Variants in MDFIC observed in about 807,000 individuals in gnomAD.
MDFIC encodes myoD family inhibitor domain-containing protein.
MDFIC carries 17 observed loss-of-function variants against 23.2 expected under a neutral mutation model. That is an observed-to-expected ratio of 0.73 (90% confidence interval 0.50 to 1.10). MDFIC has a LOEUF of 1.10. MDFIC is among the 50% of genes least tolerant of loss of function. MDFIC has a pLI of 0.00. For synonymous variants in MDFIC, 120 were observed against 115.2 expected (o/e 1.04, Z -0.27); for missense variants, 356 against 316.6 (o/e 1.12, Z -0.95).
intron 2 of MDFIC, among the ~76,000 whole-genome samples, chr7:114,941,592 C>CT (rs1409764759): frequency 1.3e-5 from 2 of 152,060 alleles, no homozygotes; most frequent in Non-Finnish European, 2.9e-5. Flanking sequence ...TCCTTTGAAC[C>CT]TTTTTAGTGC....
chr7:114,966,420 A>G (rs1793097389), intron 3 of MDFIC, among the ~76,000 whole-genome samples: 1 of 151,384 alleles, frequency 6.6e-6, no homozygotes. Context: ...AAAAAAAAAA[A>G]AGGAAAAAAC....
At chr7:115,004,714 A>G (rs1791533804) in intron 4 of MDFIC, among the ~76,000 whole-genome samples, 1 of 152,150 alleles carries the variant, frequency 6.6e-6, no homozygotes, top group Non-Finnish European at 1.5e-5. Flanking sequence ...AGGAATGAAG[A>G]CTGTATTTAT....
At chr7:114,926,018 T>C (rs1043765064) in intron 2 of MDFIC, among the ~76,000 whole-genome samples, 1 of 152,228 alleles carries the variant, frequency 6.6e-6, no homozygotes, top group African/African-American at 2.4e-5. Flanking sequence ...GCCATTTCAG[T>C]TATACTTTAT....
chr7:115,006,521 A>G (rs1791573746), intron 4 of MDFIC, among the ~76,000 whole-genome samples: 2 of 152,216 alleles, frequency 1.3e-5, no homozygotes, highest in African/African-American at 4.8e-5. Flanking sequence ...TAGCAAGACA[A>G]AACTGATTTA....
At chr7:114,956,074 A>G (rs1287629122) in intron 3 of MDFIC, among the ~76,000 whole-genome samples, 1 of 152,094 alleles carries the variant, frequency 6.6e-6, no homozygotes, top group Non-Finnish European at 1.5e-5. Context: ...GGACTTTGTG[A>G]TGTATGTGGT....
chr7:114,969,869 T>C (rs1377206555), intron 3 of MDFIC, among the ~76,000 whole-genome samples: 1 of 152,192 alleles, frequency 6.6e-6, no homozygotes, highest in Admixed American at 6.5e-5. Flanking sequence ...CACAGACCTC[T>C]AGGTGATGTT....
chr7:114,954,549 T>A (rs1217137732), intron 3 of MDFIC, among the ~76,000 whole-genome samples: 3 of 152,252 alleles, frequency 2.0e-5, no homozygotes, highest in Admixed American at 6.5e-5. Context: ...AGTTGAAATG[T>A]CTCTGCTTCT....
Position 115,015,872 on chromosome 7 carries a change from T to C in MDFIC, c.678T>C (p.Cys226=). The C allele has an allele frequency of 6.2e-7, 1 of 1,614,056 alleles. No individual in the cohort carries two copies. The change falls in exon 5 of 5, where the codon TGT becomes TGC. Residue 226 remains cysteine (C), a synonymous_variant. Transcript: ENST00000393486. ...CDMDCGIMDA[C]CESSDCLEIC... is the part of the protein sequence containing the mutation. Reference sequence around the variant, plus strand: ...TGGACTGTGGCATCATGGATGCCTGTTGTGAATCATCAGACTGCTTGGAAA... The same window carrying C: ...TGGACTGTGGCATCATGGATGCCTGCTGTGAATCATCAGACTGCTTGGAAA...
At chr7:114,986,463 TC>T (rs1314146499) in intron 4 of MDFIC, among the ~76,000 whole-genome samples, 1 of 152,162 alleles carries the variant, frequency 6.6e-6, no homozygotes, top group Non-Finnish European at 1.5e-5. Flanking sequence ...TAAAGTGATT[TC>T]CCCTCCTTCC....
At chr7:114,974,297 TTA>T (rs5886743) in intron 3 of MDFIC, among the ~76,000 whole-genome samples, 148,721 of 151,148 alleles carry the variant, frequency 0.98, 73,181 homozygotes, top group Middle Eastern at 1. Context: ...TATATGCATA[TTA>T]TATATATATA....
At chr7:114,960,179 T>C (rs1251798725) in intron 3 of MDFIC, among the ~76,000 whole-genome samples, 2 of 152,134 alleles carry the variant, frequency 1.3e-5, no homozygotes, top group Non-Finnish European at 2.9e-5. Flanking sequence ...TGGTGAAGGG[T>C]CAAATATGAA....
chr7:114,995,323 G>T (rs145366740), intron 4 of MDFIC, among the ~76,000 whole-genome samples: 1 of 151,842 alleles, frequency 6.6e-6, no homozygotes, highest in Non-Finnish European at 1.5e-5. Flanking sequence ...AAGTTTGGTC[G>T]TCTGAAGCCT....
chr7:114,943,400 A>G (rs947890521), intron 3 of MDFIC, among the ~76,000 whole-genome samples: 9 of 152,162 alleles, frequency 5.9e-5, no homozygotes, highest in Non-Finnish European at 1.2e-4. Context: ...AACTTAGGAG[A>G]AAATAAACAA....
chr7:114,998,604 A>C (rs1230578169), intron 4 of MDFIC, among the ~76,000 whole-genome samples: 1 of 152,208 alleles, frequency 6.6e-6, no homozygotes, highest in Non-Finnish European at 1.5e-5. Context: ...CTTTGTCATT[A>C]ACTGAAAGTA....
chr7:114,969,714 A>G (rs1793171653), intron 3 of MDFIC, among the ~76,000 whole-genome samples: 1 of 151,844 alleles, frequency 6.6e-6, no homozygotes, highest in Admixed American at 6.5e-5. Context: ...TTATGTGTGT[A>G]TAAACATGCA....
In MDFIC at chr7:114,922,136, G is replaced by C. The variant is rs1327013425; in HGVS notation, c.-608G>C. 3 of 333,186 alleles carry C rather than the reference G, an allele frequency of 9.0e-6. No homozygotes were observed. The highest frequency in any genetic ancestry group is 1.1e-5 in the Non-Finnish European group (2 of 184,858). 20.6% of individuals were successfully genotyped at this position (333,186 alleles called of 1,614,324 possible). ...AGCCCCGGGAGGGCGCAGCGCCCGG[G>C]TGGGGAGCCCGAGCCAGCCCAGGCC... On this transcript the variant is annotated 5_prime_UTR_variant, in exon 1 of 5. Coordinates refer to ENST00000393486, the MANE Select transcript of MDFIC (RefSeq NM_001166345.3).
chr7:114,998,417 G>T (rs1171669245), intron 4 of MDFIC, among the ~76,000 whole-genome samples: 2 of 151,990 alleles, frequency 1.3e-5, no homozygotes, highest in Admixed American at 6.6e-5. Context: ...TTTGAAAAAT[G>T]AGTTGCATTG....
At position 115,017,201 on chromosome 7, in the gene MDFIC, A is replaced by C. The variant is rs1472009171; in HGVS notation, c.*1266A>C. 6.6e-6 allele frequency: 1 copy of C among 152,218 alleles called. No individual in the cohort carries two copies. The highest frequency in any genetic ancestry group is 1.5e-5 in the Non-Finnish European group (1 of 68,014). The allele number at this position is 152,218 out of a possible 1,614,324, so 9.4% of individuals were successfully genotyped here. On this transcript the variant is annotated 3_prime_UTR_variant, in exon 5 of 5. Transcript: ENST00000393486. ...GAATACAGCTTTTTGAAAAAGCTATAAAGTTTAAATTAACTAAAAATATGC... is the reference window on the plus strand; with the variant it reads ...GAATACAGCTTTTTGAAAAAGCTATCAAGTTTAAATTAACTAAAAATATGC...
Position 114,941,897 on chromosome 7 carries a change from GCTT to G in MDFIC, c.95-372_95-370del, listed in dbSNP as rs1308763429. On this transcript the variant is annotated intron_variant, in intron 2 of 4. Coordinates refer to ENST00000393486, the MANE Select transcript of MDFIC (RefSeq NM_001166345.3). ...ACTTTCGTCTCTACCACTCATCAGA[GCTT>G]CTTCTCTTTCACCCCTTTCCCTGCT... Among the ~76,000 whole-genome samples the G allele has an allele frequency of 3.9e-5, 6 of 152,132 alleles. No homozygotes were observed. In the East Asian group the frequency reaches 5.8e-4, roughly 15 times the overall value.
Sources: allele counts gnomAD v4.1 joint callset (sites outside exome capture counted in the v4.1 genomes callset), GRCh38; gene constraint gnomAD v4.1.1; transcripts MANE v1.5; gene names NCBI Gene and HGNC (gene_info 2026-07-23, HGNC 2026-07-21).